The following KIFAP3 variants were observed in gnomAD, a reference collection of about 807,000 sequenced individuals.
The protein encoded by KIFAP3 is kinesin associated protein 3.
KIFAP3 carries 68 observed loss-of-function variants against 106.5 expected under a neutral mutation model. That is an observed-to-expected ratio of 0.64 (90% CI 0.53 to 0.78). The LOEUF (loss-of-function observed/expected upper bound fraction) is 0.78, where lower values mean the gene tolerates loss of function less well. KIFAP3 is among the 30% of genes least tolerant of loss of function. The probability of loss-of-function intolerance (pLI) is 0.00; values close to 1 mark genes in which losing one functional copy is unlikely to be tolerated. For synonymous variants in KIFAP3, 320 were observed against 311.5 expected, an observed-to-expected ratio of 1.03 and a Z score of -0.29; for missense variants, 780 against 941.8, an observed-to-expected ratio of 0.83 and a Z score of 2.25.
intron 19 of KIFAP3, among the ~76,000 whole-genome samples, chr1:169,929,138 T>C (rs557754388): frequency 1.3e-5 from 2 of 152,322 alleles, no homozygotes; most frequent in African/African-American, 4.8e-5. Flanking sequence ...CAGGTACTTC[T>C]ACAAAATTTC....
intron 15 of KIFAP3, among the ~76,000 whole-genome samples, chr1:169,978,960 T>C (rs1357815057): frequency 6.6e-6 from 1 of 152,124 alleles, no homozygotes; most frequent in Admixed American, 6.6e-5. Flanking sequence ...AATTTCTCAC[T>C]ATTAATTACT....
chr1:170,076,939 C>T (rs760376793), upstream of KIFAP3, among the ~76,000 whole-genome samples: 11 of 152,198 alleles, frequency 7.2e-5, no homozygotes, highest in Non-Finnish European at 1.5e-4. Flanking sequence ...GAGAGGTGAA[C>T]CCAGCTGGAC....
chr1:170,007,371 G>T (rs1250591250), intron 10 of KIFAP3, among the ~76,000 whole-genome samples: 1 of 151,140 alleles, frequency 6.6e-6, no homozygotes, highest in Non-Finnish European at 1.5e-5. Context: ...AGGGAGAGAG[G>T]GCATATTAAT....
At chr1:170,011,504 T>C (rs942772454) in intron 10 of KIFAP3, among the ~76,000 whole-genome samples, 1 of 151,756 alleles carries the variant, frequency 6.6e-6, no homozygotes, top group African/African-American at 2.4e-5. Flanking sequence ...ATATCAAATA[T>C]AATATGTAAT....
At chr1:170,058,498 A>T (rs537203664) in intron 1 of KIFAP3, among the ~76,000 whole-genome samples, 1 of 152,122 alleles carries the variant, frequency 6.6e-6, no homozygotes, top group African/African-American at 2.4e-5. Flanking sequence ...GAGCATATGA[A>T]TTCATTTCCA....
At chr1:169,981,572 AAACTTT>A (rs1158065868) in intron 15 of KIFAP3, among the ~76,000 whole-genome samples, 1 of 152,218 alleles carries the variant, frequency 6.6e-6, no homozygotes, top group Non-Finnish European at 1.5e-5. Flanking sequence ...TTTATAAATT[AAACTTT>A]ATCATTGGTA....
intron 7 of KIFAP3, 127 bp downstream of exon 7, chr1:170,034,244 CT>C (rs1180814294): frequency 5.0e-6 from 4 of 792,792 alleles, no homozygotes; most frequent in Non-Finnish European, 8.2e-6. Context: ...CAATAACACA[CT>C]CCTGCATTGT....
intron 2 of KIFAP3, among the ~76,000 whole-genome samples, chr1:170,054,234 C>T (rs538003281): frequency 1.3e-5 from 2 of 152,274 alleles, no homozygotes; most frequent in South Asian, 4.1e-4. Flanking sequence ...GGCCAAGAAA[C>T]ACATGAAAAG....
Position 170,074,414 on chromosome 1 carries a change from C to G in KIFAP3, c.32+22G>C, listed in dbSNP as rs80309878. 2,990 of 1,613,706 alleles carry G rather than the reference C, an allele frequency of 1.9e-3. 33 individuals carry two copies. In the African/African-American group the frequency reaches 0.026, roughly 14 times the overall value. ...CAGGGCCCTGGCAAGGAGGGTAGGA[C>G]AGAGCCTTGGGGAGTCGTCACCTTT... On this transcript the variant is annotated intron_variant, in intron 1 of 19. Coordinates refer to ENST00000361580, the MANE Select transcript of KIFAP3 (RefSeq NM_014970.4).
chr1:170,004,946 G>T (rs879529981), intron 10 of KIFAP3, among the ~76,000 whole-genome samples: 1 of 151,794 alleles, frequency 6.6e-6, no homozygotes, highest in Admixed American at 6.6e-5. Flanking sequence ...GAAAATTTTC[G>T]CAACCTACTC....
At chr1:169,981,863 CAATT>C (rs1420738308) in intron 15 of KIFAP3, 105 bp downstream of exon 15, 6 of 863,518 alleles carry the variant, frequency 6.9e-6, no homozygotes, top group East Asian at 5.5e-5. Context: ...TGCTATGAAA[CAATT>C]AATGTAATGA....
intron 16 of KIFAP3, among the ~76,000 whole-genome samples, chr1:169,975,796 G>T (rs1028312551): frequency 3.3e-5 from 5 of 151,940 alleles, no homozygotes; most frequent in African/African-American, 1.2e-4. Flanking sequence ...ACATTTCTGA[G>T]TTTTGTATTT....
At chr1:169,940,911 ATGTGTGTG>A (rs3838394) in intron 19 of KIFAP3, among the ~76,000 whole-genome samples, 1,881 of 148,130 alleles carry the variant, frequency 0.013, 41 homozygotes, top group African/African-American at 0.04. Flanking sequence ...TTTAAGAATT[ATGTGTGTG>A]TGTGTGTGTG....
intron 16 of KIFAP3, among the ~76,000 whole-genome samples, chr1:169,973,124 A>ATATATATATATATATATATAT (rs1361338751): frequency 8.2e-5 from 4 of 48,728 alleles, no homozygotes; most frequent in Non-Finnish European, 1.5e-4. Flanking sequence ...TATATATATA[A>ATATATATATATATATATATAT]ACAACACAAA....
intron 7 of KIFAP3, 31 bp from the exon 8 acceptor site, chr1:170,032,015 C>A (rs1226613944): frequency 3.4e-6 from 3 of 873,124 alleles, no homozygotes; most frequent in Admixed American, 3.0e-5. Flanking sequence ...CATCCATACT[C>A]ATTGAAGCAA....
chr1:169,975,624 T>C (rs1418093411), intron 16 of KIFAP3, among the ~76,000 whole-genome samples: 2 of 151,956 alleles, frequency 1.3e-5, no homozygotes, highest in African/African-American at 2.4e-5. Flanking sequence ...TATTTTCAGT[T>C]TTTTTTTAGA....
chr1:170,046,737 G>A lies in KIFAP3; in HGVS notation c.294C>T (p.Asn98=). The stretch of plus-strand genomic sequence containing the variant: ...CTTTTCCTGACAATGAATCACGGCG[G>A]TTCTGTAGATAGTACAACAGCTGTT... ...EVEQLLYYLQ[N]RRDSLSGKEK... The change falls in exon 3 of 20, where the codon AAC becomes AAT. Residue 98 remains asparagine, a synonymous_variant. Coordinates refer to ENST00000361580, the MANE Select transcript of KIFAP3 (RefSeq NM_014970.4). 1 of 1,584,322 alleles carries A rather than the reference G, an allele frequency of 6.3e-7. No individual in the cohort carries two copies. The highest frequency in any genetic ancestry group is 1.2e-5 in the South Asian group (1 of 85,824).
intron 18 of KIFAP3, among the ~76,000 whole-genome samples, chr1:169,960,336 C>A (rs894700661): frequency 6.6e-6 from 1 of 151,956 alleles, no homozygotes; most frequent in African/African-American, 2.4e-5. Context: ...TTATAGAAAT[C>A]CTTTCCTTCC....
chr1:170,028,302 A>G (rs1185293070), intron 8 of KIFAP3, among the ~76,000 whole-genome samples: 2 of 152,110 alleles, frequency 1.3e-5, no homozygotes, highest in Non-Finnish European at 2.9e-5. Context: ...TTATGTATAT[A>G]AAATGATAAT....
Sources: allele counts gnomAD v4.1 joint callset (sites outside exome capture counted in the v4.1 genomes callset), GRCh38; gene constraint gnomAD v4.1.1; transcripts MANE v1.5; gene names NCBI Gene and HGNC (gene_info 2026-07-23, HGNC 2026-07-21).